Variants in CLNS1A observed in about 807,000 individuals in gnomAD.
The protein encoded by CLNS1A is methylosome subunit pICln.
Under a neutral mutation model 29.4 loss-of-function variants are expected in CLNS1A, and 16 were observed. The ratio of observed to expected loss-of-function variants is 0.54; its 90% CI spans 0.37 to 0.83. The LOEUF (loss-of-function observed/expected upper bound fraction) is 0.83. Ranked by LOEUF, CLNS1A falls within the 40% of genes least tolerant of loss-of-function variation. The probability of loss-of-function intolerance (pLI) is 0.00; values close to 1 mark genes in which losing one functional copy is unlikely to be tolerated. For missense variants in CLNS1A, 235 were observed against 287.4 expected, an observed-to-expected ratio of 0.82 and a Z score of 1.32; for synonymous variants, 96 against 104.8, an observed-to-expected ratio of 0.92 and a Z score of 0.51.
chr11:77,626,885 CG>C, intron 2 of CLNS1A, among the ~76,000 whole-genome samples: 1 of 150,296 alleles, frequency 6.7e-6, no homozygotes, highest in Middle Eastern at 3.4e-3. Context: ...TTAGTAAAGA[CG>C]GGGTTTCACC....
chr11:77,619,631 G>C lies in CLNS1A; in HGVS notation c.711C>G (p.His237Gln). 2 of 1,611,718 alleles carry C rather than the reference G, an allele frequency of 1.2e-6. No homozygotes were observed. The highest frequency in any genetic ancestry group is 1.7e-6 in the Non-Finnish European group (2 of 1,177,832). Residue 237 changes from histidine (H) to glutamine (Q), a missense_variant, in exon 6 of 7, where the codon CAC becomes CAG. His to Gln is a conservative substitution (Grantham distance 24). Transcript: ENST00000525428. ...CTTAAACTTGCATAAATCATTTTCA[G>C]TGATCAACATCTGCATCCTCAAACT... ...AGQFEDADVDH is the reference protein window; with the variant it reads ...AGQFEDADVDQ
chr11:77,634,723 CAAAAA>C (rs763196921), intron 1 of CLNS1A, among the ~76,000 whole-genome samples: 1 of 54,096 alleles, frequency 1.8e-5, no homozygotes, highest in Admixed American at 1.8e-4. Context: ...GACTCTGTCT[CAAAAA>C]AAAAAAAAAA....
rs1193551963 is a variant in CLNS1A, at chr11:77,637,793, A to G, written c.-79T>C. 6.2e-6 allele frequency: 9 copies of G among 1,447,328 alleles called. No individual in the cohort carries two copies. Among genetic ancestry groups the G allele is most frequent in the Non-Finnish European group, 8.3e-6 (9 of 1,086,176 alleles). 89.7% of individuals were successfully genotyped at this position (1,447,328 alleles called of 1,614,324 possible). On this transcript the variant is annotated 5_prime_UTR_variant, in exon 1 of 7. Transcript: ENST00000525428. Reference sequence around the variant, plus strand: ...TGCACCACACCGCCCGCCCTGGAAGAGGCAGTCACCCCGGAAGAACAACTT... The same window carrying G: ...TGCACCACACCGCCCGCCCTGGAAGGGGCAGTCACCCCGGAAGAACAACTT...
intron 6 of CLNS1A, among the ~76,000 whole-genome samples, chr11:77,618,236 AAC>A (rs1416507805): frequency 2.6e-5 from 4 of 152,226 alleles, no homozygotes; most frequent in African/African-American, 4.8e-5. Flanking sequence ...ATTGCAATAA[AAC>A]AGTTACTAAA....
chr11:77,625,632 T>C, intron 3 of CLNS1A, 85 bp downstream of exon 3: 1 of 726,414 alleles, frequency 1.4e-6, no homozygotes, highest in Non-Finnish European at 2.0e-6. Context: ...AGGTGAGAGG[T>C]GTGTGTGTGT....
chr11:77,618,293 G>A (rs920296730), intron 6 of CLNS1A, among the ~76,000 whole-genome samples: 11 of 152,182 alleles, frequency 7.2e-5, no homozygotes, highest in Non-Finnish European at 1.5e-4. Context: ...ATAATGTGAT[G>A]AGAAATAAGG....
At chr11:77,628,183 C>T (rs1276555209) in intron 2 of CLNS1A, among the ~76,000 whole-genome samples, 2 of 152,214 alleles carry the variant, frequency 1.3e-5, no homozygotes, top group Non-Finnish European at 2.9e-5. Context: ...TTATTAAATG[C>T]TATTTCCTAA....
intron 1 of CLNS1A, among the ~76,000 whole-genome samples, chr11:77,630,815 G>A (rs1227132133): frequency 6.6e-6 from 1 of 152,144 alleles, no homozygotes; most frequent in Non-Finnish European, 1.5e-5. Flanking sequence ...GCAATATAGT[G>A]GTTGCCTAGG....
chr11:77,637,264 A>AAAC (rs2096197329), intron 1 of CLNS1A, among the ~76,000 whole-genome samples: 1 of 145,544 alleles, frequency 6.9e-6, no homozygotes, highest in Non-Finnish European at 1.5e-5. Flanking sequence ...AAAAAAGAAA[A>AAAC]TAAAAGAAAG....
chr11:77,637,735 C>G lies in CLNS1A; in HGVS notation c.-21G>C. On this transcript the variant is annotated 5_prime_UTR_variant, in exon 1 of 7. Transcript: ENST00000525428. ...CTCATAGCAGCAGAGTGCGGCAACACAGGCCCTGAGGGAGTTGGAGCACAG... is the reference window on the plus strand; with the variant it reads ...CTCATAGCAGCAGAGTGCGGCAACAGAGGCCCTGAGGGAGTTGGAGCACAG... 2 of 1,551,206 alleles carry G rather than the reference C, an allele frequency of 1.3e-6. No individual in the cohort carries two copies. The highest frequency in any genetic ancestry group is 1.7e-6 in the Non-Finnish European group (2 of 1,146,802).
At chr11:77,628,311 T>C (rs1393530759) in intron 2 of CLNS1A, among the ~76,000 whole-genome samples, 3 of 152,378 alleles carry the variant, frequency 2.0e-5, no homozygotes, top group Non-Finnish European at 2.9e-5. Context: ...TGCAAATGAA[T>C]GAATGCTTTA....
At position 77,616,563 on chromosome 11, in the gene CLNS1A, T is replaced by C. The variant is rs556177634; in HGVS notation, c.*155A>G. ...TTATCTATCTTCTGCTGGTGACAAC[T>C]TGTTGTCTCAGTATAGTCTGTCTCA... On this transcript the variant is annotated 3_prime_UTR_variant, in exon 7 of 7. Coordinates refer to ENST00000525428, the MANE Select transcript of CLNS1A (RefSeq NM_001293.3). The C allele has an allele frequency of 5.0e-4, 76 of 152,756 alleles. No individual in the cohort carries two copies. The highest frequency in any genetic ancestry group is 1.6e-3 in the African/African-American group (66 of 41,570). 9.5% of individuals were successfully genotyped at this position (152,756 alleles called of 1,614,324 possible). A position where few individuals can be genotyped will look rare whatever the true frequency, so the allele number is the denominator to read the frequency against.
chr11:77,637,567 GC>G, intron 1 of CLNS1A, 22 bp downstream of exon 1: 2 of 1,591,076 alleles, frequency 1.3e-6, no homozygotes, highest in Non-Finnish European at 1.7e-6. Context: ...CAGGAGGCCA[GC>G]GCTGGGGACC....
rs191710746 is a variant in CLNS1A, at chr11:77,615,725, A to G, written c.*993T>C. 2.0e-3 allele frequency: 311 copies of G among 152,304 alleles called. 4 individuals carry two copies. Among genetic ancestry groups the G allele is most frequent in the African/African-American group, 7.3e-3 (302 of 41,564 alleles). The allele number at this position is 152,304 out of a possible 1,614,324, so 9.4% of individuals were successfully genotyped here. ...AAACCAAGTGACAGTGCTGAAATGA[A>G]CACTGGGCTGAGTGGTACCAAACAT... On this transcript the variant is annotated 3_prime_UTR_variant, in exon 7 of 7. Transcript: ENST00000525428.
intron 5 of CLNS1A, 147 bp from the exon 6 acceptor site, chr11:77,619,842 C>A: frequency 1.6e-6 from 1 of 641,654 alleles, no homozygotes; most frequent in Non-Finnish European, 2.8e-6. Flanking sequence ...AAGGGACAAA[C>A]TGAGAAAGAA....
At chr11:77,634,661 T>G (rs1009683188) in intron 1 of CLNS1A, among the ~76,000 whole-genome samples, 3 of 149,924 alleles carry the variant, frequency 2.0e-5, no homozygotes, top group Non-Finnish European at 3.0e-5. Flanking sequence ...GAGGCGGAGC[T>G]TGCAGTGAGC....
In CLNS1A at chr11:77,625,808, T is replaced by A; in HGVS notation, c.273A>T (p.Lys91Asn). 6.4e-7 allele frequency: 1 copy of A among 1,573,836 alleles called. No homozygotes were observed. The highest frequency in any genetic ancestry group is 1.1e-5 in the South Asian group (1 of 89,516). ...CCTCTTCTTCATCAGCAACAGGTTC[T>A]TTTGATTCTTCTAGAAAATAAAATA... ...MVNAKFEEES[K>N]EPVADEEEED... Residue 91 changes from lysine (K) to asparagine (N), a missense_variant, in exon 3 of 7, where the codon AAA becomes AAT. Physicochemically the swap from Lys to Asn is moderately conservative, Grantham distance 94. Coordinates refer to ENST00000525428, the MANE Select transcript of CLNS1A (RefSeq NM_001293.3).
At chr11:77,619,006 G>A (rs955104887) in intron 6 of CLNS1A, among the ~76,000 whole-genome samples, 1 of 152,210 alleles carries the variant, frequency 6.6e-6, no homozygotes, top group African/African-American at 2.4e-5. Flanking sequence ...TAAGGTAGGA[G>A]GAAGTTGTAG....
chr11:77,626,187 A>G (rs1035183288), intron 2 of CLNS1A, among the ~76,000 whole-genome samples: 2 of 152,178 alleles, frequency 1.3e-5, no homozygotes, highest in African/African-American at 4.8e-5. Flanking sequence ...CTCAGGCCCA[A>G]GCGATCCTCC....
Sources: gnomAD v4.1 joint callset for allele counts (sites outside exome capture counted in the v4.1 genomes callset) on GRCh38, gnomAD v4.1.1 for gene constraint, MANE v1.5 for transcripts, NCBI Gene and HGNC (gene_info 2026-07-23, HGNC 2026-07-21) for gene names.